The following RHBDD1 variants were observed in gnomAD, a reference collection of about 807,000 sequenced individuals.
RHBDD1 encodes rhomboid domain containing 1.
In RHBDD1, 38 loss-of-function variants were observed where a neutral mutation model predicts 36.3. The ratio of observed to expected loss-of-function variants is 1.05; its 90% CI spans 0.81 to 1.37. The LOEUF (loss-of-function observed/expected upper bound fraction) is 1.37. Among genes scored for constraint, RHBDD1 ranks in the 40% most tolerant of loss-of-function variants. The pLI is 0.00. For synonymous variants in RHBDD1, 151 were observed against 136.5 expected (o/e 1.11, Z -0.74); for missense variants, 393 against 377.6 (o/e 1.04, Z -0.34).
chr2:226,809,877 C>T, the RHBDD1 span, among the ~76,000 whole-genome samples: 11 of 152,190 alleles, frequency 7.2e-5, no homozygotes, highest in African/African-American at 2.6e-4. Context: ...ATACCAACAC[C>T]TAGTTTTAAG....
chr2:226,988,651 AG>A (rs1212308104), intron 8 of RHBDD1: 68 of 985,192 alleles, frequency 6.9e-5, no homozygotes, highest in Non-Finnish European at 8.0e-5. Flanking sequence ...TCTGAGAGGA[AG>A]GTAGGATTTT....
chr2:226,936,604 A>G (rs1950346235), intron 8 of RHBDD1, among the ~76,000 whole-genome samples: 1 of 152,152 alleles, frequency 6.6e-6, no homozygotes, highest in African/African-American at 2.4e-5. Flanking sequence ...GTAATGAATT[A>G]ATTCTACCCA....
At chr2:226,824,409 T>C in the RHBDD1 span, among the ~76,000 whole-genome samples, 1 of 152,200 alleles carries the variant, frequency 6.6e-6, no homozygotes, top group African/African-American at 2.4e-5. Flanking sequence ...TTTCCACTTA[T>C]ATATATCTAA....
chr2:226,902,904 A>G (rs1307542805), intron 5 of RHBDD1, among the ~76,000 whole-genome samples: 3 of 152,226 alleles, frequency 2.0e-5, no homozygotes, highest in African/African-American at 7.2e-5. Context: ...ATTGTACTCT[A>G]AATTGTAAAT....
chr2:226,892,104 G>A (rs1246263708), intron 5 of RHBDD1, among the ~76,000 whole-genome samples: 1 of 152,180 alleles, frequency 6.6e-6, no homozygotes, highest in African/African-American at 2.4e-5. Flanking sequence ...GTTCAGCCTA[G>A]CAGCTTGTAT....
chr2:226,801,589 T>C, the RHBDD1 span, among the ~76,000 whole-genome samples: 1 of 152,072 alleles, frequency 6.6e-6, no homozygotes, highest in African/African-American at 2.4e-5. Flanking sequence ...TGAGTACACA[T>C]GTTGAATTGA....
At chr2:226,866,156 C>T (rs1209560418) in intron 4 of RHBDD1, among the ~76,000 whole-genome samples, 18 of 152,214 alleles carry the variant, frequency 1.2e-4, no homozygotes, top group East Asian at 1.9e-4. Context: ...CTGCAACCTC[C>T]GCCTCCCAGG....
chr2:226,822,465 T>C, the RHBDD1 span, among the ~76,000 whole-genome samples: 28,181 of 151,558 alleles, frequency 0.19, 4,266 homozygotes, highest in African/African-American at 0.42. Context: ...TGAAACCCTG[T>C]CTCTACTAAA....
At chr2:226,807,639 G>A in the RHBDD1 span, 3 of 152,304 alleles carry the variant, frequency 2.0e-5, no homozygotes, top group Admixed American at 6.5e-5. Flanking sequence ...AGTGCAGTGG[G>A]AGCAGAGTGA....
the RHBDD1 span, among the ~76,000 whole-genome samples, chr2:226,813,416 G>T: frequency 6.6e-6 from 1 of 152,278 alleles, no homozygotes; most frequent in East Asian, 1.9e-4. Context: ...GTGGTTTTGG[G>T]GGATGGCATT....
chr2:226,906,572 T>C, intron 5 of RHBDD1: 1 of 966,310 alleles, frequency 1.0e-6, no homozygotes, highest in Non-Finnish European at 1.5e-6. Flanking sequence ...AGGAGGGGTG[T>C]TGCGTTTTAA....
At chr2:226,893,813 C>T (rs899238439) in intron 5 of RHBDD1, among the ~76,000 whole-genome samples, 1 of 152,130 alleles carries the variant, frequency 6.6e-6, no homozygotes, top group African/African-American at 2.4e-5. Context: ...TCACAGCTTA[C>T]AGGACAGACC....
At chr2:226,967,914 C>G (rs62189770) in intron 8 of RHBDD1, among the ~76,000 whole-genome samples, 3,747 of 152,152 alleles carry the variant, frequency 0.025, 151 homozygotes, top group Admixed American at 0.11. Flanking sequence ...AACTCTGTAA[C>G]CTGTTGGTAG....
intron 5 of RHBDD1, among the ~76,000 whole-genome samples, chr2:226,889,441 T>C (rs1196591833): frequency 2.0e-5 from 3 of 152,180 alleles, no homozygotes; most frequent in Non-Finnish European, 4.4e-5. Context: ...AAATAAGGGT[T>C]GAAGGGGAAA....
chr2:226,953,658 T>G (rs961247898), intron 8 of RHBDD1, among the ~76,000 whole-genome samples: 4 of 152,210 alleles, frequency 2.6e-5, no homozygotes, highest in African/African-American at 9.6e-5. Flanking sequence ...AGGCACGTGC[T>G]GACCATCGTG....
chr2:226,816,386 A>G, the RHBDD1 span, among the ~76,000 whole-genome samples: 54 of 151,532 alleles, frequency 3.6e-4, no homozygotes, highest in Non-Finnish European at 7.4e-5. Context: ...AAAAAAAAAA[A>G]AAAAAAAAAA....
the RHBDD1 span, among the ~76,000 whole-genome samples, chr2:226,827,987 T>TAGCAAAAAAAAATTTACATA: frequency 6.6e-6 from 1 of 152,202 alleles, no homozygotes; most frequent in Non-Finnish European, 1.5e-5. Context: ...AAAAAATTCG[T>TAGCAAAAAAAAATTTACATA]GCATTATTTA....
intron 8 of RHBDD1, among the ~76,000 whole-genome samples, chr2:226,915,086 GTGTT>G (rs905351976): frequency 6.6e-6 from 1 of 152,040 alleles, no homozygotes; most frequent in African/African-American, 2.4e-5. Context: ...TTAACAATCT[GTGTT>G]TGGGCATATG....
chr2:226,907,578 G>A (rs1948160946), intron 6 of RHBDD1, among the ~76,000 whole-genome samples: 1 of 149,378 alleles, frequency 6.7e-6, no homozygotes. Flanking sequence ...TTCATGGGAA[G>A]TCTTCTGAGA....
Sources: allele counts gnomAD v4.1 joint callset (sites outside exome capture counted in the v4.1 genomes callset), GRCh38; gene constraint gnomAD v4.1.1; transcripts MANE v1.5; gene names NCBI Gene and HGNC (gene_info 2026-07-23, HGNC 2026-07-21).